PRKD1: variants seen among roughly 807,000 people sequenced by gnomAD.
PRKD1 encodes the protein protein kinase D1.
A neutral mutation model predicts 95.9 loss-of-function variants in PRKD1; 63 were observed. The ratio of observed to expected loss-of-function variants is 0.66; its 90% CI spans 0.54 to 0.81. The LOEUF (loss-of-function observed/expected upper bound fraction) is 0.81. Among genes scored for constraint, PRKD1 ranks in the 30% least tolerant of loss-of-function variants. The pLI, the probability that PRKD1 is intolerant of heterozygous loss-of-function variation, is 0.00. For synonymous variants in PRKD1, 425 were observed against 423.1 expected, an observed-to-expected ratio of 1.00 and a Z score of -0.05; for missense variants, 1,048 against 1,165.3, an observed-to-expected ratio of 0.90 and a Z score of 1.47.
intron 1 of PRKD1, among the ~76,000 whole-genome samples, chr14:29,907,520 C>T (rs1831891821): frequency 1.3e-5 from 2 of 152,086 alleles, no homozygotes; most frequent in African/African-American, 4.8e-5. Flanking sequence ...GATCCCTGGT[C>T]GTGTGGTGTT....
At chr14:29,857,934 G>A (rs894066344) in intron 1 of PRKD1, among the ~76,000 whole-genome samples, 4 of 152,134 alleles carry the variant, frequency 2.6e-5, no homozygotes, top group Admixed American at 6.5e-5. Context: ...AACCAGAGTG[G>A]AGTCTCCTAT....
intron 4 of PRKD1, among the ~76,000 whole-genome samples, chr14:29,639,742 A>G (rs1880638140): frequency 6.6e-6 from 1 of 152,160 alleles, no homozygotes; most frequent in Admixed American, 6.5e-5. Flanking sequence ...ATTTTTCCTC[A>G]GCCATACAAT....
At chr14:29,706,420 C>T (rs1318703264) in intron 2 of PRKD1, among the ~76,000 whole-genome samples, 2 of 151,950 alleles carry the variant, frequency 1.3e-5, no homozygotes, top group Non-Finnish European at 2.9e-5. Context: ...TTTAAAAACC[C>T]ACACTAACAT....
intron 2 of PRKD1, among the ~76,000 whole-genome samples, chr14:29,711,203 T>C (rs938334469): frequency 2.0e-5 from 3 of 152,168 alleles, no homozygotes; most frequent in Non-Finnish European, 4.4e-5. Flanking sequence ...TAAATATTTT[T>C]CATTAAAATT....
intron 13 of PRKD1, among the ~76,000 whole-genome samples, chr14:29,620,065 C>A (rs941538171): frequency 3.3e-5 from 5 of 151,816 alleles, no homozygotes; most frequent in South Asian, 2.1e-4. Flanking sequence ...GAAAAACAAG[C>A]AATGGGGAAA....
At chr14:29,884,163 A>G (rs1240692552) in intron 1 of PRKD1, among the ~76,000 whole-genome samples, 1 of 152,208 alleles carries the variant, frequency 6.6e-6, no homozygotes, top group Non-Finnish European at 1.5e-5. Flanking sequence ...AAATATCAAG[A>G]GTCATTTCCT....
chr14:29,782,653 C>T (rs932643759), intron 1 of PRKD1, among the ~76,000 whole-genome samples: 2 of 152,132 alleles, frequency 1.3e-5, no homozygotes, highest in African/African-American at 4.8e-5. Flanking sequence ...GCCTCAACCT[C>T]CCAAGTTGCC....
At chr14:29,883,976 G>C (rs1403964298) in intron 1 of PRKD1, among the ~76,000 whole-genome samples, 6 of 152,162 alleles carry the variant, frequency 3.9e-5, no homozygotes, top group Non-Finnish European at 8.8e-5. Flanking sequence ...ATTTCAATGA[G>C]AGCATCATCT....
intron 2 of PRKD1, among the ~76,000 whole-genome samples, chr14:29,671,991 A>G (rs1882872815): frequency 1.3e-5 from 2 of 152,208 alleles, no homozygotes; most frequent in South Asian, 4.1e-4. Flanking sequence ...AATCTACCCT[A>G]TGTATATATT....
intron 2 of PRKD1, among the ~76,000 whole-genome samples, chr14:29,696,815 G>A (rs568477753): frequency 6.6e-6 from 1 of 152,124 alleles, no homozygotes; most frequent in Admixed American, 6.5e-5. Context: ...TAGATAGTGA[G>A]AGATATAATT....
chr14:29,912,306 C>CAAAA (rs144375276), intron 1 of PRKD1, among the ~76,000 whole-genome samples: 12 of 148,740 alleles, frequency 8.1e-5, no homozygotes, highest in African/African-American at 3.0e-4. Context: ...TTGTAATTTT[C>CAAAA]AAAAAAAAAC....
At chr14:29,697,839 T>G (rs1884615809) in intron 2 of PRKD1, among the ~76,000 whole-genome samples, 1 of 152,202 alleles carries the variant, frequency 6.6e-6, no homozygotes, top group Non-Finnish European at 1.5e-5. Flanking sequence ...ACTTTCTGCT[T>G]TTTTGATATT....
intron 13 of PRKD1, among the ~76,000 whole-genome samples, chr14:29,604,446 T>C: frequency 6.6e-6 from 1 of 152,128 alleles, no homozygotes; most frequent in Non-Finnish European, 1.5e-5. Context: ...ATTTAGTTCA[T>C]AATGAGATAG....
At chr14:29,714,786 G>A (rs1391164187) in intron 2 of PRKD1, among the ~76,000 whole-genome samples, 2 of 152,100 alleles carry the variant, frequency 1.3e-5, no homozygotes, top group Non-Finnish European at 2.9e-5. Context: ...CCATAAAAAA[G>A]GATGAGTTCA....
intron 1 of PRKD1, among the ~76,000 whole-genome samples, chr14:29,869,176 C>T (rs756545457): frequency 1.3e-5 from 2 of 152,144 alleles, no homozygotes; most frequent in Non-Finnish European, 2.9e-5. Flanking sequence ...GGTGTGGTGG[C>T]TCATGCCTGT....
intron 1 of PRKD1, among the ~76,000 whole-genome samples, chr14:29,736,212 T>A (rs993921921): frequency 1.3e-5 from 2 of 152,240 alleles, no homozygotes; most frequent in Non-Finnish European, 1.5e-5. Flanking sequence ...TACATTTTTC[T>A]AGATTGTTCC....
At chr14:29,623,513 G>A (rs1257898496) in intron 13 of PRKD1, among the ~76,000 whole-genome samples, 1 of 152,142 alleles carries the variant, frequency 6.6e-6, no homozygotes, top group Non-Finnish European at 1.5e-5. Flanking sequence ...GAGTAGACTA[G>A]ATAGCCATGA....
chr14:29,721,193 G>A (rs1322738602), intron 2 of PRKD1, among the ~76,000 whole-genome samples: 1 of 152,176 alleles, frequency 6.6e-6, no homozygotes, highest in Non-Finnish European at 1.5e-5. Flanking sequence ...CTCTAATGAG[G>A]CTCCCTTCTC....
chr14:29,886,287 C>A (rs1368322962), intron 1 of PRKD1, among the ~76,000 whole-genome samples: 2 of 152,228 alleles, frequency 1.3e-5, no homozygotes, highest in Non-Finnish European at 2.9e-5. Flanking sequence ...ACAGCTCAAA[C>A]TGCTTCTGTG....
Sources: allele counts gnomAD v4.1 joint callset (sites outside exome capture counted in the v4.1 genomes callset), GRCh38; gene constraint gnomAD v4.1.1; transcripts MANE v1.5; gene names NCBI Gene and HGNC (gene_info 2026-07-23, HGNC 2026-07-21).